The following MAP4K3 variants were observed in gnomAD, a reference collection of about 807,000 sequenced individuals.
MAP4K3 encodes the protein mitogen-activated protein kinase kinase kinase kinase 3, also known as MAPK/ERK kinase kinase kinase 3.
Under a neutral mutation model 143.5 loss-of-function variants are expected in MAP4K3, and 94 were observed. That is an observed-to-expected ratio of 0.65 (90% CI 0.55 to 0.78). The LOEUF is 0.78. Ranked by LOEUF, MAP4K3 falls within the 30% of genes least tolerant of loss-of-function variation. The probability of loss-of-function intolerance (pLI) is 0.00; values close to 1 mark genes in which losing one functional copy is unlikely to be tolerated. For missense variants in MAP4K3, 1,077 were observed against 1,068.1 expected, an observed-to-expected ratio of 1.01 and a Z score of -0.12; for synonymous variants, 416 against 347.2, an observed-to-expected ratio of 1.20 and a Z score of -2.20.
intron 12 of MAP4K3, among the ~76,000 whole-genome samples, chr2:39,315,879 T>C (rs1314349746): frequency 6.6e-6 from 1 of 152,186 alleles, no homozygotes; most frequent in Non-Finnish European, 1.5e-5. Context: ...TATGAATTTT[T>C]TTGAAATAAT....
At position 39,299,727 on chromosome 2, in the gene MAP4K3, A is replaced by G; in HGVS notation, c.1178+16T>C. On this transcript the variant is annotated intron_variant, in intron 16 of 33. Coordinates refer to ENST00000263881, the MANE Select transcript of MAP4K3 (RefSeq NM_003618.4). ...ATTCTTGAATTTAAATTAAGTTTTA[A>G]AAGAACTTTACTTACTTGTTTGCAC... The G allele has an allele frequency of 2.7e-6, 4 of 1,487,652 alleles. No individual in the cohort carries two copies. Among genetic ancestry groups the G allele is most frequent in the Non-Finnish European group, 3.6e-6 (4 of 1,100,120 alleles). 92.2% of individuals were successfully genotyped at this position (1,487,652 alleles called of 1,614,324 possible). A position where few individuals can be genotyped will look rare whatever the true frequency, so the allele number is the denominator to read the frequency against.
At chr2:39,326,918 C>T (rs1344771181) in intron 8 of MAP4K3, among the ~76,000 whole-genome samples, 1 of 152,092 alleles carries the variant, frequency 6.6e-6, no homozygotes, top group African/African-American at 2.4e-5. Context: ...TGAGGCCTCC[C>T]CAGCCATGCA....
intron 20 of MAP4K3, 54 bp downstream of exon 20, chr2:39,288,067 C>T: frequency 1.3e-6 from 2 of 1,579,876 alleles, no homozygotes; most frequent in Non-Finnish European, 8.6e-7. Context: ...AGTTTTTTTT[C>T]TCCCCATAGT....
At chr2:39,305,985 T>C (rs1298275191) in intron 15 of MAP4K3, among the ~76,000 whole-genome samples, 2 of 152,082 alleles carry the variant, frequency 1.3e-5, no homozygotes, top group Admixed American at 6.6e-5. Flanking sequence ...CATGCCACCA[T>C]GCCTAGCTAA....
intron 3 of MAP4K3, among the ~76,000 whole-genome samples, chr2:39,352,210 G>C (rs961056635): frequency 2.6e-5 from 4 of 152,078 alleles, no homozygotes; most frequent in African/African-American, 9.7e-5. Context: ...AGAATCTCTA[G>C]AACTCGGGAG....
chr2:39,429,759 ACCATT>A (rs1159386740), intron 1 of MAP4K3, among the ~76,000 whole-genome samples: 2 of 152,180 alleles, frequency 1.3e-5, no homozygotes, highest in Non-Finnish European at 2.9e-5. Flanking sequence ...AATAGATAAA[ACCATT>A]TTGAAAAGGT....
chr2:39,433,658 A>G (rs1665362728), intron 1 of MAP4K3, among the ~76,000 whole-genome samples: 2 of 152,156 alleles, frequency 1.3e-5, no homozygotes, highest in South Asian at 2.1e-4. Context: ...TACAACATTA[A>G]GCCTATTAAT....
At chr2:39,353,778 T>C (rs578174109) in intron 3 of MAP4K3, among the ~76,000 whole-genome samples, 3 of 152,302 alleles carry the variant, frequency 2.0e-5, no homozygotes, top group South Asian at 2.1e-4. Flanking sequence ...ATAGTAGTAG[T>C]AGCAGCGGCA....
intron 2 of MAP4K3, among the ~76,000 whole-genome samples, chr2:39,375,291 T>C (rs1433226688): frequency 6.6e-6 from 1 of 152,078 alleles, no homozygotes; most frequent in Non-Finnish European, 1.5e-5. Flanking sequence ...TAGAAAAATG[T>C]GAGCGTAACA....
intron 15 of MAP4K3, among the ~76,000 whole-genome samples, chr2:39,301,214 C>G (rs1019333607): frequency 6.6e-6 from 1 of 152,114 alleles, no homozygotes; most frequent in East Asian, 1.9e-4. Flanking sequence ...TTGTGTTATT[C>G]CATGCATAAT....
intron 24 of MAP4K3, among the ~76,000 whole-genome samples, chr2:39,274,105 T>C (rs560020256): frequency 4.0e-4 from 61 of 152,240 alleles, no homozygotes; most frequent in Non-Finnish European, 7.4e-4. Context: ...ATATATAAAG[T>C]AGCAAGACAA....
intron 1 of MAP4K3, among the ~76,000 whole-genome samples, chr2:39,429,140 T>A (rs955308796): frequency 2.7e-5 from 4 of 146,006 alleles, no homozygotes; most frequent in African/African-American, 7.6e-5. Flanking sequence ...CCAAAGGAAG[T>A]CAGAAACTAC....
At chr2:39,293,106 G>A (rs1264210319) in intron 17 of MAP4K3, 124 bp downstream of exon 17, 3 of 765,052 alleles carry the variant, frequency 3.9e-6, no homozygotes, top group Non-Finnish European at 6.6e-6. Flanking sequence ...AACAGAGCGA[G>A]ACCCTATCTC....
intron 23 of MAP4K3, among the ~76,000 whole-genome samples, chr2:39,279,855 A>C (rs762730264): frequency 1.3e-5 from 2 of 152,138 alleles, no homozygotes; most frequent in African/African-American, 4.8e-5. Flanking sequence ...CGGGTGGCTG[A>C]GGCAGGGGGA....
chr2:39,435,528 T>A (rs1490655798), intron 1 of MAP4K3, among the ~76,000 whole-genome samples: 1 of 152,234 alleles, frequency 6.6e-6, no homozygotes, highest in Non-Finnish European at 1.5e-5. Context: ...TGAAAGGCGA[T>A]GAGCGTCTGA....
intron 3 of MAP4K3, among the ~76,000 whole-genome samples, chr2:39,355,389 G>A (rs947399143): frequency 6.7e-6 from 1 of 148,152 alleles, no homozygotes; most frequent in African/African-American, 2.5e-5. Context: ...AAAAAGGCTG[G>A]GCATGGTGGT....
At chr2:39,287,298 C>CT (rs11413828) in intron 20 of MAP4K3, among the ~76,000 whole-genome samples, 140,048 of 147,430 alleles carry the variant, frequency 0.95, 66,642 homozygotes, top group East Asian at 1. Flanking sequence ...TTTAGTTGCT[C>CT]TTTTTTTTTT....
At chr2:39,398,530 CA>C (rs780466893) in intron 1 of MAP4K3, among the ~76,000 whole-genome samples, 1 of 151,648 alleles carries the variant, frequency 6.6e-6, no homozygotes, top group Non-Finnish European at 1.5e-5. Context: ...CAAGACTTCT[CA>C]GGGGATACTT....
intron 26 of MAP4K3, among the ~76,000 whole-genome samples, chr2:39,269,805 A>G (rs950000537): frequency 3.3e-5 from 5 of 152,178 alleles, no homozygotes; most frequent in Admixed American, 3.3e-4. Flanking sequence ...GAATATTCTG[A>G]TTACGATTTT....
Sources: gnomAD v4.1 joint callset for allele counts (sites outside exome capture counted in the v4.1 genomes callset) on GRCh38, gnomAD v4.1.1 for gene constraint, MANE v1.5 for transcripts, NCBI Gene and HGNC (gene_info 2026-07-23, HGNC 2026-07-21) for gene names.